The following OGA variants were observed in gnomAD, a reference collection of about 807,000 sequenced individuals.
OGA encodes the protein protein O-GlcNAcase.
OGA carries 21 observed loss-of-function variants against 102.0 expected under a neutral mutation model. That is an observed-to-expected ratio of 0.21 (90% CI 0.15 to 0.30). OGA has a LOEUF of 0.30. Among genes scored for constraint, OGA ranks in the 10% least tolerant of loss-of-function variants. The pLI is 1.00. For missense variants in OGA, 765 were observed against 1,107.8 expected, an observed-to-expected ratio of 0.69 and a Z score of 4.39; for synonymous variants, 408 against 378.2, an observed-to-expected ratio of 1.08 and a Z score of -0.91.
chr10:101,803,613 C>T lies in OGA; in HGVS notation c.1036+122G>A, dbSNP rs374126003. On this transcript the variant is annotated intron_variant, in intron 7 of 15. Transcript: ENST00000361464. ...GTTTCCTCCTTAGTAAAACAAAATA[C>T]GTTTTTAAAAAAATAAATAAAACTG... is the stretch of plus-strand genomic sequence containing the variant. The T allele has an allele frequency of 4.6e-5, 50 of 1,087,074 alleles. No homozygotes were observed. In the East Asian group the frequency reaches 1.0e-3, roughly 22 times the overall value. 67.3% of individuals were successfully genotyped at this position (1,087,074 alleles called of 1,614,324 possible). A position where few individuals can be genotyped will look rare whatever the true frequency, so the allele number is the denominator to read the frequency against.
At chr10:101,802,167 T>C (rs972303057) in intron 7 of OGA, among the ~76,000 whole-genome samples, 4 of 151,766 alleles carry the variant, frequency 2.6e-5, no homozygotes, top group Non-Finnish European at 4.4e-5. Flanking sequence ...AAATTTTCAG[T>C]GTTCAGTGTT....
intron 11 of OGA, 112 bp downstream of exon 11, chr10:101,793,801 T>G: frequency 1.4e-6 from 1 of 735,898 alleles, no homozygotes; most frequent in South Asian, 1.7e-5. Context: ...TAAATTGAAT[T>G]TGGGACTAGA....
At chr10:101,805,304 T>A (rs118192071) in intron 6 of OGA, among the ~76,000 whole-genome samples, 1 of 152,118 alleles carries the variant, frequency 6.6e-6, no homozygotes, top group African/African-American at 2.4e-5. Context: ...CCAACCATGA[T>A]AGATGTTTTT....
At chr10:101,814,864 C>A (rs1211818097) in intron 1 of OGA, among the ~76,000 whole-genome samples, 1 of 152,200 alleles carries the variant, frequency 6.6e-6, no homozygotes, top group Non-Finnish European at 1.5e-5. Flanking sequence ...AACAAACTCG[C>A]AGACCGATAA....
At chr10:101,796,061 GT>G in intron 10 of OGA, 1 of 276,812 alleles carries the variant, frequency 3.6e-6, no homozygotes, top group Non-Finnish European at 5.5e-6. Flanking sequence ...AATGTTTTCT[GT>G]AATACATTTC....
At chr10:101,815,836 T>C (rs565710538) in intron 1 of OGA, among the ~76,000 whole-genome samples, 14 of 151,724 alleles carry the variant, frequency 9.2e-5, no homozygotes, top group Admixed American at 6.6e-4. Context: ...ATGCTGTTAA[T>C]GTAAGTTAAA....
At chr10:101,788,248 G>A (rs981661688) in intron 14 of OGA, among the ~76,000 whole-genome samples, 10 of 151,248 alleles carry the variant, frequency 6.6e-5, no homozygotes, top group African/African-American at 2.2e-4. Flanking sequence ...GACCAGCCTG[G>A]GCAACAAAGT....
intron 6 of OGA, among the ~76,000 whole-genome samples, chr10:101,805,783 G>A: frequency 6.6e-6 from 1 of 151,028 alleles, no homozygotes; most frequent in East Asian, 2.0e-4. Context: ...GTGAAACCCT[G>A]TCTCTACTAA....
intron 10 of OGA, among the ~76,000 whole-genome samples, chr10:101,796,787 C>T (rs1280471980): frequency 6.6e-6 from 1 of 151,858 alleles, no homozygotes; most frequent in East Asian, 1.9e-4. Flanking sequence ...TGGTCTCATG[C>T]TGGTTTTCAC....
Position 101,813,031 on chromosome 10 carries a change from A to G in OGA, c.348T>C (p.Ala116=). 4 of 1,598,326 alleles carry G rather than the reference A, an allele frequency of 2.5e-6. No homozygotes were observed. Among genetic ancestry groups the G allele is most frequent in the Non-Finnish European group, 3.4e-6 (4 of 1,169,154 alleles). Residue 116 remains alanine (A), a splice_region_variant and synonymous_variant, in exon 3 of 16, where the codon GCT becomes GCC. Transcript: ENST00000361464. ...TATGGATAAAAAGAAAAAGATTACC[A>G]GCTTCCTCCACTGAATACATCTCTC... is the stretch of plus-strand genomic sequence containing the variant. ...FWREMYSVEE[A]EQLMTLISAA...
intron 10 of OGA, chr10:101,797,110 TAAGCTC>T: frequency 6.6e-6 from 1 of 151,984 alleles, no homozygotes; most frequent in South Asian, 2.1e-4. Flanking sequence ...CTTTTTATTC[TAAGCTC>T]ACGGTGTTTC....
chr10:101,813,492 C>T lies in OGA; in HGVS notation c.251+63G>A, dbSNP rs1475945600. Reference sequence around the variant, plus strand: ...GGGCTATTCACTGTTAGTATTTCTTCAAACAAAAGAAAATGTTAAGAGTTT... The same window carrying T: ...GGGCTATTCACTGTTAGTATTTCTTTAAACAAAAGAAAATGTTAAGAGTTT... On this transcript the variant is annotated intron_variant, in intron 2 of 15. Transcript: ENST00000361464. The T allele has an allele frequency of 6.4e-6, 7 of 1,092,376 alleles. No homozygotes were observed. In the East Asian group the frequency reaches 1.8e-4, roughly 28 times the overall value. The allele number at this position is 1,092,376 out of a possible 1,614,324, so 67.7% of individuals were successfully genotyped here.
At chr10:101,801,196 G>C (rs887057202) in intron 7 of OGA, among the ~76,000 whole-genome samples, 2 of 151,852 alleles carry the variant, frequency 1.3e-5, no homozygotes, top group Non-Finnish European at 2.9e-5. Flanking sequence ...TTTGAGACTA[G>C]CCTGGCCAAC....
At chr10:101,815,521 T>C (rs1009166206) in intron 1 of OGA, among the ~76,000 whole-genome samples, 2 of 152,076 alleles carry the variant, frequency 1.3e-5, no homozygotes, top group African/African-American at 2.4e-5. Context: ...CCTGACCTCG[T>C]GATCCGCCCG....
intron 1 of OGA, 145 bp from the exon 2 acceptor site, chr10:101,813,751 A>G (rs2065587029): frequency 2.2e-6 from 1 of 455,042 alleles, no homozygotes; most frequent in Admixed American, 3.9e-5. Context: ...TTAATAAAAT[A>G]CTAAGGTTCC....
intron 14 of OGA, among the ~76,000 whole-genome samples, chr10:101,788,130 TA>T (rs529209574): frequency 0.061 from 6,553 of 106,690 alleles, 157 homozygotes; most frequent in Middle Eastern, 0.12. Context: ...GACTCTGTCT[TA>T]AAAAAAAAAA....
In OGA at chr10:101,803,716, T is replaced by A; in HGVS notation, c.1036+19A>T. On this transcript the variant is annotated intron_variant, in intron 7 of 15. Transcript: ENST00000361464. ...CCAGCTCTCCTCCCAAGGTGAAAGA[T>A]CAAGTACAGGCTACTTACTCATCAC... 6.2e-7 allele frequency: 1 copy of A among 1,603,296 alleles called. No homozygotes were observed. The highest frequency in any genetic ancestry group is 8.5e-7 in the Non-Finnish European group (1 of 1,171,438).
At chr10:101,787,246 T>C (rs1177769793) in intron 15 of OGA, 118 bp downstream of exon 15, 2 of 1,107,774 alleles carry the variant, frequency 1.8e-6, no homozygotes, top group Non-Finnish European at 2.5e-6. Context: ...AACCAAATCA[T>C]AAAAGGTGGG....
intron 7 of OGA, among the ~76,000 whole-genome samples, chr10:101,803,464 A>G (rs570577967): frequency 2.4e-5 from 3 of 126,024 alleles, no homozygotes; most frequent in African/African-American, 8.7e-5. Context: ...AAAAAAAAAC[A>G]AAAAAAAAAA....
Sources: gnomAD v4.1 joint callset for allele counts (sites outside exome capture counted in the v4.1 genomes callset) on GRCh38, gnomAD v4.1.1 for gene constraint, MANE v1.5 for transcripts, NCBI Gene and HGNC (gene_info 2026-07-23, HGNC 2026-07-21) for gene names.